Variants in CTSC observed in about 807,000 individuals in gnomAD.
CTSC encodes cathepsin C, also known as dipeptidyl peptidase 1.
Under a neutral mutation model 40.9 loss-of-function variants are expected in CTSC, and 37 were observed. The observed-to-expected ratio is 0.91, with a 90% CI of 0.70 to 1.19. The LOEUF (loss-of-function observed/expected upper bound fraction) is 1.19. Ranked by LOEUF, CTSC falls within the 50% of genes most tolerant of loss-of-function variation. The pLI, the probability that CTSC is intolerant of heterozygous loss-of-function variation, is 0.00. For synonymous variants in CTSC, 232 were observed against 207.4 expected (o/e 1.12, Z -1.02); for missense variants, 594 against 567.3 (o/e 1.05, Z -0.48).
chr11:88,294,538 C>A, intron 6 of CTSC, 30 bp from the exon 7 acceptor site: 3 of 1,613,208 alleles, frequency 1.9e-6, no homozygotes, highest in Non-Finnish European at 2.5e-6. Flanking sequence ...ATGGTTACCC[C>A]TTAGTAGAAA....
rs1240079989 is a variant in CTSC, at chr11:88,324,708, A to C, written c.318+10229T>G. 8 of 985,238 alleles carry C rather than the reference A, an allele frequency of 8.1e-6. No individual in the cohort carries two copies. The South Asian group carries it at 1.9e-4, about 23-fold the overall frequency. The allele number at this position is 985,238 out of a possible 1,614,324, so 61.0% of individuals were successfully genotyped here. A position where few individuals can be genotyped will look rare whatever the true frequency, so the allele number is the denominator to read the frequency against. ...TACAGCATGGCATGAAAGCAGAGGT[A>C]CCTGCGATATGCAATGGGAACCAAA... On this transcript the variant is annotated intron_variant, in intron 2 of 6. Coordinates refer to ENST00000227266, the MANE Select transcript of CTSC (RefSeq NM_001814.6).
At chr11:88,321,126 AAT>A (rs991206870) in intron 2 of CTSC, 4 of 679,976 alleles carry the variant, frequency 5.9e-6, no homozygotes, top group Non-Finnish European at 7.3e-6. Flanking sequence ...TTCCATATTA[AAT>A]ATATATACAT....
chr11:88,307,556 CT>C (rs5793311), intron 4 of CTSC, among the ~76,000 whole-genome samples: 36,389 of 73,704 alleles, frequency 0.49, 6,458 homozygotes, highest in South Asian at 0.61. Flanking sequence ...ATACTGATAA[CT>C]TTTTTTTTTT....
chr11:88,297,820 A>C (rs1326850637), intron 5 of CTSC: 1 of 152,244 alleles, frequency 6.6e-6, no homozygotes, highest in Non-Finnish European at 1.5e-5. Context: ...ATCTCTTAAG[A>C]ATACTGCAAT....
chr11:88,337,693 G>C lies in CTSC; in HGVS notation c.-21C>G. ...CCCATGCTGCAGGGAGCTGAGAAAAGAGGTGAAGAATTACCAGGAAGCCGA... is the reference window on the plus strand; with the variant it reads ...CCCATGCTGCAGGGAGCTGAGAAAACAGGTGAAGAATTACCAGGAAGCCGA... On this transcript the variant is annotated 5_prime_UTR_variant, in exon 1 of 7. Transcript: ENST00000227266. 6.4e-7 allele frequency: 1 copy of C among 1,560,108 alleles called. No individual in the cohort carries two copies. Among genetic ancestry groups the C allele is most frequent in the Non-Finnish European group, 8.7e-7 (1 of 1,151,834 alleles).
chr11:88,307,930 C>T (rs1231011311), intron 4 of CTSC, among the ~76,000 whole-genome samples: 3 of 152,088 alleles, frequency 2.0e-5, no homozygotes, highest in Non-Finnish European at 4.4e-5. Context: ...TTAATTCACG[C>T]AGAGCCGGCT....
chr11:88,336,088 T>C (rs1938484325), intron 1 of CTSC, among the ~76,000 whole-genome samples: 1 of 152,108 alleles, frequency 6.6e-6, no homozygotes, highest in Admixed American at 6.6e-5. Context: ...GGCAGAGCCT[T>C]CCTGAAAATG....
In CTSC at chr11:88,335,015, A is replaced by G. The variant is rs749268419; in HGVS notation, c.240T>C (p.Asn80=). The G allele has an allele frequency of 6.2e-7, 1 of 1,608,056 alleles. No individual in the cohort carries two copies. The highest frequency in any genetic ancestry group is 8.5e-7 in the Non-Finnish European group (1 of 1,174,698). The part of the protein sequence containing the change: ...KLDTAYDDLG[N]SGHFTIIYNQ... The stretch of plus-strand genomic sequence containing the variant: ...TGTAAATGATGGTGAAATGGCCAGA[A>G]TTGCCAAGGTCATCATATGCTGTAT... Residue 80 remains asparagine (N), a synonymous_variant, in exon 2 of 7, where the codon AAT becomes AAC. Coordinates refer to ENST00000227266, the MANE Select transcript of CTSC (RefSeq NM_001814.6).
chr11:88,320,021 G>C (rs1555029754), intron 2 of CTSC, among the ~76,000 whole-genome samples: 1 of 152,100 alleles, frequency 6.6e-6, no homozygotes, highest in Non-Finnish European at 1.5e-5. Context: ...TTGGTATTTT[G>C]CCAAATCCAT....
At chr11:88,302,692 AAAC>A (rs1188694430) in intron 4 of CTSC, among the ~76,000 whole-genome samples, 6 of 151,974 alleles carry the variant, frequency 3.9e-5, no homozygotes, top group South Asian at 4.1e-4. Context: ...ACAAAGAGAA[AAAC>A]AACAACGATT....
intron 2 of CTSC, among the ~76,000 whole-genome samples, chr11:88,312,813 CAAAAA>C (rs1233800007): frequency 6.6e-6 from 1 of 151,968 alleles, no homozygotes; most frequent in South Asian, 2.1e-4. Flanking sequence ...CAAAACAAAA[CAAAAA>C]AGAAAGAAAA....
chr11:88,302,038 C>G (rs569935363), intron 4 of CTSC, among the ~76,000 whole-genome samples: 1 of 152,244 alleles, frequency 6.6e-6, no homozygotes, highest in African/African-American at 2.4e-5. Context: ...CTCACCAGCC[C>G]CCAGCGAAAA....
In CTSC at chr11:88,312,419, T is replaced by C; in HGVS notation, c.454A>G (p.Asn152Asp). The change falls in exon 3 of 7, where the codon AAC (asparagine) becomes GAC (aspartate). Residue 152 changes from asparagine to aspartate, a missense_variant. Asn to Asp is a conservative substitution (Grantham distance 23). Coordinates refer to ENST00000227266, the MANE Select transcript of CTSC (RefSeq NM_001814.6). Reference protein sequence around the residue: ...VGTASENVYVNIAHLKNSQEK... With the variant: ...VGTASENVYVDIAHLKNSQEK... Reference sequence around the variant, plus strand: ...TGAGAATTCTTAAGGTGTGCTATGTTGACATACACATTCTCAGAGGCAGTT... The same window carrying C: ...TGAGAATTCTTAAGGTGTGCTATGTCGACATACACATTCTCAGAGGCAGTT... 1.9e-6 allele frequency: 3 copies of C among 1,614,126 alleles called. No homozygotes were observed. Among genetic ancestry groups the C allele is most frequent in the Non-Finnish European group, 2.5e-6 (3 of 1,179,980 alleles).
At chr11:88,306,664 C>T (rs1408265902) in intron 4 of CTSC, among the ~76,000 whole-genome samples, 7 of 152,196 alleles carry the variant, frequency 4.6e-5, no homozygotes, top group Admixed American at 3.3e-4. Context: ...AGAGTCGTCT[C>T]GCGGAGAGCC....
intron 2 of CTSC, chr11:88,324,257 G>T: frequency 4.3e-6 from 2 of 460,078 alleles, no homozygotes; most frequent in Non-Finnish European, 5.7e-6. Flanking sequence ...ATTAACTCAA[G>T]ATGGATTAAA....
chr11:88,328,895 G>T (rs1413755393), intron 2 of CTSC, among the ~76,000 whole-genome samples: 1 of 152,050 alleles, frequency 6.6e-6, no homozygotes, highest in Non-Finnish European at 1.5e-5. Flanking sequence ...AAGTGTTCTT[G>T]TTTTGAGTAG....
chr11:88,307,613 AT>A (rs888386521), intron 4 of CTSC, among the ~76,000 whole-genome samples: 13 of 103,850 alleles, frequency 1.3e-4, no homozygotes, highest in African/African-American at 4.1e-4. Flanking sequence ...GGATTTTGAG[AT>A]TTTTTTTTAG....
chr11:88,306,017 A>G (rs985743860), intron 4 of CTSC, among the ~76,000 whole-genome samples: 9 of 152,228 alleles, frequency 5.9e-5, no homozygotes, highest in African/African-American at 2.2e-4. Context: ...ATGCAGATAC[A>G]TTAAGACACA....
chr11:88,330,593 C>G (rs1938323677), intron 2 of CTSC, among the ~76,000 whole-genome samples: 1 of 152,074 alleles, frequency 6.6e-6, no homozygotes, highest in Admixed American at 6.5e-5. Flanking sequence ...AGGTGATCGC[C>G]TGTCTCGGCC....
Sources: allele counts gnomAD v4.1 joint callset (sites outside exome capture counted in the v4.1 genomes callset), GRCh38; gene constraint gnomAD v4.1.1; transcripts MANE v1.5; gene names NCBI Gene and HGNC (gene_info 2026-07-23, HGNC 2026-07-21).